Variants in FOXN3 observed in about 807,000 individuals in gnomAD.
FOXN3 encodes forkhead box N3, also known as forkhead box protein N3.
In FOXN3, 7 loss-of-function variants were observed where a neutral mutation model predicts 38.4. The observed-to-expected ratio is 0.18, with a 90% CI of 0.10 to 0.34. FOXN3 has a LOEUF of 0.34. Among genes scored for constraint, FOXN3 ranks in the 10% least tolerant of loss-of-function variants. FOXN3 has a pLI of 1.00. For synonymous variants in FOXN3, 230 were observed against 242.2 expected (o/e 0.95, Z 0.47); for missense variants, 456 against 613.4 (o/e 0.74, Z 2.71).
chr14:89,589,644 TG>T (rs1399416911), intron 1 of FOXN3, among the ~76,000 whole-genome samples: 1 of 142,014 alleles, frequency 7.0e-6, no homozygotes, highest in Non-Finnish European at 1.5e-5. Context: ...AGCCCAGGAC[TG>T]GAAGTTGGAT....
At chr14:89,511,422 A>G (rs576837469) in intron 1 of FOXN3, among the ~76,000 whole-genome samples, 1 of 151,472 alleles carries the variant, frequency 6.6e-6, no homozygotes, top group Admixed American at 6.6e-5. Context: ...CCCCCTGAGT[A>G]GCTAGGACTA....
chr14:89,606,860 A>T (rs1896286897), intron 1 of FOXN3, among the ~76,000 whole-genome samples: 1 of 152,102 alleles, frequency 6.6e-6, no homozygotes, highest in Admixed American at 6.5e-5. Context: ...AAAAAAAAAT[A>T]AAATAAAAAA....
intron 1 of FOXN3, among the ~76,000 whole-genome samples, chr14:89,555,838 G>GGTGT (rs201016882): frequency 0.038 from 3,366 of 89,666 alleles, 200 homozygotes; most frequent in African/African-American, 0.096. Flanking sequence ...TCTAGTTCAT[G>GGTGT]GTGTGTGTGT....
chr14:89,325,192 C>G (rs1314229048), intron 3 of FOXN3, among the ~76,000 whole-genome samples: 1 of 151,436 alleles, frequency 6.6e-6, no homozygotes, highest in Non-Finnish European at 1.5e-5. Flanking sequence ...GCTCCTGCTC[C>G]CATGCCCATG....
intron 1 of FOXN3, among the ~76,000 whole-genome samples, chr14:89,608,548 G>C (rs1896326318): frequency 6.6e-6 from 1 of 152,224 alleles, no homozygotes; most frequent in Non-Finnish European, 1.5e-5. Flanking sequence ...AAAACCACTA[G>C]ACTAGACTAT....
At chr14:89,186,178 C>T (rs1037176388) in intron 4 of FOXN3, among the ~76,000 whole-genome samples, 1 of 152,176 alleles carries the variant, frequency 6.6e-6, no homozygotes, top group Non-Finnish European at 1.5e-5. Flanking sequence ...CTTGGAAGCA[C>T]ACTGGGGAGG....
intron 4 of FOXN3, among the ~76,000 whole-genome samples, chr14:89,277,385 C>T (rs1470440442): frequency 1.3e-5 from 2 of 152,264 alleles, no homozygotes; most frequent in Admixed American, 1.3e-4. Context: ...TAATGCTCTG[C>T]TTGGTTTCCA....
At chr14:89,314,181 G>T (rs948873366) in intron 3 of FOXN3, among the ~76,000 whole-genome samples, 1 of 152,156 alleles carries the variant, frequency 6.6e-6, no homozygotes, top group Admixed American at 6.5e-5. Context: ...TAACAACACA[G>T]AAGTAGGGAT....
chr14:89,249,174 A>C (rs1885381451), intron 4 of FOXN3, among the ~76,000 whole-genome samples: 1 of 152,216 alleles, frequency 6.6e-6, no homozygotes, highest in South Asian at 2.1e-4. Flanking sequence ...TGTACTCACT[A>C]AAGCTTGCCA....
At chr14:89,428,937 G>A (rs183838987) in intron 1 of FOXN3, among the ~76,000 whole-genome samples, 17 of 152,346 alleles carry the variant, frequency 1.1e-4, no homozygotes, top group Admixed American at 1.1e-3. Context: ...TCAATGGGAG[G>A]GATGAACTTC....
chr14:89,465,958 G>A (rs893250091), intron 1 of FOXN3, among the ~76,000 whole-genome samples: 2 of 152,182 alleles, frequency 1.3e-5, no homozygotes. Context: ...GAATATCAGG[G>A]TCATTCCCAT....
intron 4 of FOXN3, among the ~76,000 whole-genome samples, chr14:89,218,880 A>T (rs149003740): frequency 1.3e-5 from 2 of 152,304 alleles, no homozygotes; most frequent in East Asian, 3.9e-4. Flanking sequence ...ATTAGGAACC[A>T]ACGTAGGAAG....
intron 3 of FOXN3, among the ~76,000 whole-genome samples, chr14:89,286,508 C>A (rs542041961): frequency 6.6e-6 from 1 of 152,284 alleles, no homozygotes; most frequent in Non-Finnish European, 1.5e-5. Context: ...ATACTCTTAG[C>A]GCTGGAGATG....
At chr14:89,342,569 G>A (rs1888646848) in intron 3 of FOXN3, among the ~76,000 whole-genome samples, 1 of 152,176 alleles carries the variant, frequency 6.6e-6, no homozygotes, top group Non-Finnish European at 1.5e-5. Context: ...TTTTTAAAGA[G>A]TGTGCCCTTA....
intron 1 of FOXN3, among the ~76,000 whole-genome samples, chr14:89,571,730 C>T (rs1316287951): frequency 2.0e-5 from 3 of 152,184 alleles, no homozygotes; most frequent in Non-Finnish European, 4.4e-5. Context: ...TTACAAAAAA[C>T]AGATGGTAAG....
intron 3 of FOXN3, among the ~76,000 whole-genome samples, chr14:89,333,998 ATATATATATATG>A (rs1292529649): frequency 2.2e-3 from 129 of 58,708 alleles, no homozygotes; most frequent in South Asian, 4.2e-3. Flanking sequence ...ATATATATAT[ATATATATATATG>A]TATATAAATG....
intron 5 of FOXN3, among the ~76,000 whole-genome samples, chr14:89,166,063 A>T (rs1401853552): frequency 6.6e-6 from 1 of 152,188 alleles, no homozygotes; most frequent in African/African-American, 2.4e-5. Context: ...ATTCCTGGTG[A>T]ATCTAGGTGA....
chr14:89,336,137 T>TACACACACAC lies in FOXN3; in HGVS notation c.680+14525_680+14534dup, dbSNP rs34950734. ...TTTTGTCTAAAACAGAAGTGATCCT[T>TACACACACAC]ACACACACACACACACACACACACA... On this transcript the variant is annotated intron_variant, in intron 3 of 5. Transcript: ENST00000557258. Among the ~76,000 whole-genome samples the TACACACACAC allele has an allele frequency of 5.0e-3, 702 of 140,116 alleles. 5 individuals are homozygous for TACACACACAC. Among genetic ancestry groups the TACACACACAC allele is most frequent in the African/African-American group, 0.016 (605 of 38,032 alleles). The allele number at this position is 140,116 out of a possible 152,430, so 91.9% of individuals were successfully genotyped here.
At chr14:89,270,747 A>T (rs1244273163) in intron 4 of FOXN3, among the ~76,000 whole-genome samples, 4 of 152,212 alleles carry the variant, frequency 2.6e-5, no homozygotes, top group Non-Finnish European at 1.5e-5. Flanking sequence ...TCCTCATAGT[A>T]ATCTTGCAAG....
Sources: allele counts gnomAD v4.1 joint callset (sites outside exome capture counted in the v4.1 genomes callset), GRCh38; gene constraint gnomAD v4.1.1; transcripts MANE v1.5; gene names NCBI Gene and HGNC (gene_info 2026-07-23, HGNC 2026-07-21).